Variants in ZBTB8B observed in about 807,000 individuals in gnomAD.
ZBTB8B encodes the protein zinc finger and BTB domain containing 8B, also known as zinc finger and BTB domain-containing protein 8B.
Under a neutral mutation model 30.3 loss-of-function variants are expected in ZBTB8B, and 17 were observed. The observed-to-expected ratio is 0.56, with a 90% CI of 0.38 to 0.84. The LOEUF (loss-of-function observed/expected upper bound fraction) is 0.84. Among genes scored for constraint, ZBTB8B ranks in the 40% least tolerant of loss-of-function variants. The probability of loss-of-function intolerance (pLI) is 0.00; values close to 1 mark genes in which losing one functional copy is unlikely to be tolerated. For synonymous variants in ZBTB8B, 248 were observed against 255.6 expected (o/e 0.97, Z 0.28); for missense variants, 515 against 644.9 (o/e 0.80, Z 2.18).
In ZBTB8B at chr1:32,493,066, G is replaced by A. The variant is rs577035776; in HGVS notation, c.*7648G>A. On this transcript the variant is annotated 3_prime_UTR_variant, in exon 4 of 4. Coordinates refer to ENST00000609129, the MANE Select transcript of ZBTB8B (RefSeq NM_001145720.2). Reference sequence around the variant, plus strand: ...GTCACTAACAGTGTTTAAATTATGTGTTTTATTCAGTTATGCAAAAATATA... The same window carrying A: ...GTCACTAACAGTGTTTAAATTATGTATTTTATTCAGTTATGCAAAAATATA... 5 of 152,228 alleles carry A rather than the reference G, an allele frequency of 3.3e-5. No individual in the cohort carries two copies. The highest frequency in any genetic ancestry group is 2.0e-4 in the Admixed American group (3 of 15,302). 9.4% of individuals were successfully genotyped at this position (152,228 alleles called of 1,614,324 possible). A position where few individuals can be genotyped will look rare whatever the true frequency, so the allele number is the denominator to read the frequency against.
At chr1:32,480,607 G>A (rs534082858) in intron 2 of ZBTB8B, among the ~76,000 whole-genome samples, 2 of 152,348 alleles carry the variant, frequency 1.3e-5, no homozygotes, top group South Asian at 4.1e-4. Context: ...TGAGGTTGCA[G>A]TGCAAGCTGA....
intron 2 of ZBTB8B, among the ~76,000 whole-genome samples, chr1:32,476,775 C>G (rs1482591685): frequency 6.9e-6 from 1 of 145,436 alleles, no homozygotes; most frequent in African/African-American, 2.6e-5. Context: ...GGCAACAGAG[C>G]GAGACTCTGT....
intron 2 of ZBTB8B, among the ~76,000 whole-genome samples, chr1:32,473,061 C>T (rs1643636151): frequency 6.6e-6 from 1 of 152,310 alleles, no homozygotes; most frequent in Admixed American, 6.5e-5. Context: ...CTCCTCTTAA[C>T]AGGTGAGGTA....
rs1470390040 is a variant in ZBTB8B at position 32,481,092 on chromosome 1, C to A, written c.1170+23C>A. On this transcript the variant is annotated intron_variant, in intron 3 of 3. Coordinates refer to ENST00000609129, the MANE Select transcript of ZBTB8B (RefSeq NM_001145720.2). ...AGTGTAAGTGTTCGAGCTGGCCATG[C>A]CCTTGTGGCAAGAGCTATTCATGAT... 5 of 1,530,788 alleles carry A rather than the reference C, an allele frequency of 3.3e-6. No individual in the cohort carries two copies. In the African/African-American group the frequency reaches 4.1e-5, roughly 13 times the overall value. The allele number at this position is 1,530,788 out of a possible 1,614,324, so 94.8% of individuals were successfully genotyped here.
In ZBTB8B at chr1:32,470,968, A is replaced by G; in HGVS notation, c.344A>G (p.Lys115Arg). 6.4e-7 allele frequency: 1 copy of G among 1,552,314 alleles called. No homozygotes were observed. The highest frequency in any genetic ancestry group is 1.2e-5 in the South Asian group (1 of 84,062). The change falls in exon 2 of 4, where the codon AAG becomes AGG. Residue 115 changes from lysine (K) to arginine (R), a missense_variant. Physicochemically the swap from Lys to Arg is conservative, Grantham distance 26 (BLOSUM62 2). Transcript: ENST00000609129. Reference sequence around the variant, plus strand: ...ATGAATGACGTGGTGAACTTCTGCAAGACATACATTAGGTCATCCCTCGAC... The same window carrying G: ...ATGAATGACGTGGTGAACTTCTGCAGGACATACATTAGGTCATCCCTCGAC... ...LQMNDVVNFC[K>R]TYIRSSLDIC...
At position 32,465,550 on chromosome 1, in the gene ZBTB8B, G is replaced by A. The variant is rs1643564746; in HGVS notation, c.-42+445G>A. 6.6e-6 allele frequency among the ~76,000 whole-genome samples: 1 copy of A among 152,232 alleles called. No individual in the cohort carries two copies. The highest frequency in any genetic ancestry group is 2.4e-5 in the African/African-American group (1 of 41,468). Reference sequence around the variant, plus strand: ...CTGGTGGCCTCTCTGCAGGTCGTCTGATGCTGGACGGGGGAGGGTCTGTCT... The same window carrying A: ...CTGGTGGCCTCTCTGCAGGTCGTCTAATGCTGGACGGGGGAGGGTCTGTCT... On this transcript the variant is annotated intron_variant, in intron 1 of 3. Coordinates refer to ENST00000609129, the MANE Select transcript of ZBTB8B (RefSeq NM_001145720.2). The surrounding 1 kb of genome is among the most constrained non-coding windows in gnomAD (Gnocchi z 4.1).
chr1:32,483,054 A>G (rs922738502), intron 3 of ZBTB8B, among the ~76,000 whole-genome samples: 1 of 151,554 alleles, frequency 6.6e-6, no homozygotes, highest in Admixed American at 6.6e-5. Flanking sequence ...TGGTTCACAG[A>G]GCCCCTATCG....
chr1:32,478,826 C>CCAGAGAAAA lies in ZBTB8B; in HGVS notation c.992-2064_992-2056dup, dbSNP rs528362510. The stretch of plus-strand genomic sequence containing the variant: ...GCCAGTTAGGTATCCCAAGCCAGCC[C>CCAGAGAAAA]CAGAGAAAAGAGTTACTCCAGTGTT... On this transcript the variant is annotated intron_variant, in intron 2 of 3. Coordinates refer to ENST00000609129, the MANE Select transcript of ZBTB8B (RefSeq NM_001145720.2). Among the ~76,000 whole-genome samples the CCAGAGAAAA allele has an allele frequency of 9.8e-3, 1,488 of 152,178 alleles. 16 individuals carry two copies. The highest frequency in any genetic ancestry group is 0.017 in the Non-Finnish European group (1,145 of 68,016).
chr1:32,473,489 A>T (rs1463514658), intron 2 of ZBTB8B, among the ~76,000 whole-genome samples: 1 of 147,882 alleles, frequency 6.8e-6, no homozygotes, highest in African/African-American at 2.5e-5. Flanking sequence ...ATTTTTATTC[A>T]TTACTAAATG....
Position 32,493,135 on chromosome 1 carries a change from T to C in ZBTB8B, c.*7717T>C, listed in dbSNP as rs575677242. ...AGAATGTTGTAGTCTTTAGGAAATATGCATCAGGTTTGTTTTTTTTGTTTT... is the reference window on the plus strand; with the variant it reads ...AGAATGTTGTAGTCTTTAGGAAATACGCATCAGGTTTGTTTTTTTTGTTTT... On this transcript the variant is annotated 3_prime_UTR_variant, in exon 4 of 4. Transcript: ENST00000609129. The C allele has an allele frequency of 6.6e-6, 1 of 152,222 alleles. No individual in the cohort carries two copies. Among genetic ancestry groups the C allele is most frequent in the African/African-American group, 2.4e-5 (1 of 41,560 alleles). 9.4% of individuals were successfully genotyped at this position (152,222 alleles called of 1,614,324 possible). A position where few individuals can be genotyped will look rare whatever the true frequency, so the allele number is the denominator to read the frequency against.
chr1:32,478,057 CAA>C (rs910312953), intron 2 of ZBTB8B, among the ~76,000 whole-genome samples: 2 of 132,912 alleles, frequency 1.5e-5, no homozygotes, highest in African/African-American at 2.8e-5. Context: ...AACTCCGTCT[CAA>C]AAAAAAAAAA....
chr1:32,466,635 C>T (rs993555757), intron 1 of ZBTB8B, among the ~76,000 whole-genome samples: 1 of 152,018 alleles, frequency 6.6e-6, no homozygotes, highest in East Asian at 1.9e-4. Flanking sequence ...TACGGATAGA[C>T]TTTTGCAACG....
At chr1:32,475,702 C>T (rs1643660087) in intron 2 of ZBTB8B, among the ~76,000 whole-genome samples, 1 of 152,032 alleles carries the variant, frequency 6.6e-6, no homozygotes, top group South Asian at 2.1e-4. Flanking sequence ...GAACTGGCTT[C>T]CTACTGGGAG....
intron 3 of ZBTB8B, among the ~76,000 whole-genome samples, chr1:32,482,347 A>C (rs561175736): frequency 6.6e-6 from 1 of 152,104 alleles, no homozygotes; most frequent in South Asian, 2.1e-4. Context: ...TCTAACATAC[A>C]AATAGTTTGA....
At chr1:32,466,390 G>T (rs1274965537) in intron 1 of ZBTB8B, among the ~76,000 whole-genome samples, 1 of 152,092 alleles carries the variant, frequency 6.6e-6, no homozygotes, top group Admixed American at 6.6e-5. Flanking sequence ...GTATGTAGCC[G>T]GTAACCGTTG....
At position 32,484,282 on chromosome 1, in the gene ZBTB8B, T is replaced by C. The variant is rs1012585129; in HGVS notation, c.1171-819T>C. ...TTTTGTATGCCAAGCACTAGGGATA[T>C]AGTAAGGAATGGGACAGACTCTGTC... On this transcript the variant is annotated intron_variant, in intron 3 of 3. Coordinates refer to ENST00000609129, the MANE Select transcript of ZBTB8B (RefSeq NM_001145720.2). This position sits in a 1 kb window ranked among gnomAD's most constrained non-coding sequence, Gnocchi z 4.5. Among the ~76,000 whole-genome samples the C allele has an allele frequency of 6.6e-6, 1 of 151,860 alleles. No homozygotes were observed. The highest frequency in any genetic ancestry group is 1.5e-5 in the Non-Finnish European group (1 of 68,020).
rs1200125914 is a variant in ZBTB8B, at chr1:32,488,220, AG to A, written c.*2803del. 1.3e-5 allele frequency: 2 copies of A among 152,250 alleles called. No individual in the cohort carries two copies. The highest frequency in any genetic ancestry group is 6.5e-5 in the Admixed American group (1 of 15,282). The allele number at this position is 152,250 out of a possible 1,614,324, so 9.4% of individuals were successfully genotyped here. On this transcript the variant is annotated 3_prime_UTR_variant, in exon 4 of 4. Coordinates refer to ENST00000609129, the MANE Select transcript of ZBTB8B (RefSeq NM_001145720.2). ...CCACTGCACTCCAGCCTGGGCAACAAGAGCGAAACTGTCTCCAAAAATGTAT... is the reference window on the plus strand; with the variant it reads ...CCACTGCACTCCAGCCTGGGCAACAAAGCGAAACTGTCTCCAAAAATGTAT...
chr1:32,475,619 T>C (rs1167849236), intron 2 of ZBTB8B, among the ~76,000 whole-genome samples: 1 of 151,832 alleles, frequency 6.6e-6, no homozygotes, highest in Non-Finnish European at 1.5e-5. Flanking sequence ...CAAATGTAAA[T>C]GACGTCACAT....
rs112965648 is a variant in ZBTB8B at position 32,466,871 on chromosome 1, C to T, written c.-42+1766C>T. On this transcript the variant is annotated intron_variant, in intron 1 of 3. Transcript: ENST00000609129. ...GCTTACCAACTCCTTACCCCTCTGCCCTGCCTCCTTTTTTTCTTAGTTAAC... is the reference window on the plus strand; with the variant it reads ...GCTTACCAACTCCTTACCCCTCTGCTCTGCCTCCTTTTTTTCTTAGTTAAC... Among the ~76,000 whole-genome samples, 1,406 of 152,198 alleles carry T rather than the reference C, an allele frequency of 9.2e-3. 23 individuals carry two copies. The highest frequency in any genetic ancestry group is 0.032 in the African/African-American group (1,309 of 41,506).
Sources: allele counts gnomAD v4.1 joint callset (sites outside exome capture counted in the v4.1 genomes callset), GRCh38; gene constraint gnomAD v4.1.1; non-coding constraint Gnocchi (gnomAD v3.1); transcripts MANE v1.5; gene names NCBI Gene and HGNC (gene_info 2026-07-23, HGNC 2026-07-21).